CERK: variants seen among roughly 807,000 people sequenced by gnomAD.
CERK encodes acylsphingosine kinase.
CERK carries 39 observed loss-of-function variants against 63.4 expected under a neutral mutation model. That is an observed-to-expected ratio of 0.61 (90% confidence interval 0.48 to 0.80). The LOEUF is 0.80. CERK is among the 30% of genes least tolerant of loss of function. CERK has a pLI of 0.00. For missense variants in CERK, 670 were observed against 714.1 expected (o/e 0.94, Z 0.70); for synonymous variants, 302 against 280.0 (o/e 1.08, Z -0.78).
intron 7 of CERK, 54 bp downstream of exon 7, chr22:46,701,582 G>T (rs1601714114): frequency 5.3e-6 from 7 of 1,320,668 alleles, no homozygotes; most frequent in Non-Finnish European, 6.9e-6. Flanking sequence ...GGACAGGCCT[G>T]GGGGCGCAGG....
At chr22:46,701,556 G>T in intron 7 of CERK, 80 bp downstream of exon 7, 1 of 1,240,712 alleles carries the variant, frequency 8.1e-7, no homozygotes, top group Non-Finnish European at 1.1e-6. Flanking sequence ...TGGAACACGC[G>T]ACGGGGACCA....
chr22:46,731,542 C>T (rs1040559586), intron 1 of CERK, among the ~76,000 whole-genome samples: 4 of 152,238 alleles, frequency 2.6e-5, no homozygotes, highest in South Asian at 2.1e-4. Flanking sequence ...AAGGTGTAAA[C>T]GCTGCCCAGT....
At chr22:46,697,552 C>T (rs2082762486) in intron 8 of CERK, among the ~76,000 whole-genome samples, 1 of 152,160 alleles carries the variant, frequency 6.6e-6, no homozygotes, top group Non-Finnish European at 1.5e-5. Context: ...GTTGCCCAGG[C>T]TGAAGTGCAG....
chr22:46,732,438 G>T (rs372016069), intron 1 of CERK, among the ~76,000 whole-genome samples: 7 of 151,914 alleles, frequency 4.6e-5, no homozygotes, highest in South Asian at 2.1e-4. Flanking sequence ...TAAATTGGGT[G>T]GGGGGGACGG....
chr22:46,691,692 G>A lies in CERK; in HGVS notation c.1212C>T (p.Pro404=). The A allele has an allele frequency of 6.2e-7, 1 of 1,613,986 alleles. No homozygotes were observed. The highest frequency in any genetic ancestry group is 1.1e-5 in the South Asian group (1 of 91,086). The part of the protein sequence containing the change: ...TNMSCACRRS[P]RGLSPAAHLG... ...AGTGGGCAGCCGGGGAGAGGCCCCT[G>A]GGGCTCCGGCGACAAGCACAGGACA... is the stretch of plus-strand genomic sequence containing the variant. Residue 404 remains proline, a synonymous_variant, in exon 11 of 13, where the codon CCC becomes CCT. Coordinates refer to ENST00000216264, the MANE Select transcript of CERK (RefSeq NM_022766.6).
chr22:46,701,173 G>A (rs2082781799), intron 7 of CERK, among the ~76,000 whole-genome samples: 1 of 152,192 alleles, frequency 6.6e-6, no homozygotes, highest in South Asian at 2.1e-4. Context: ...AGCCCCTTCT[G>A]CTCTTCCTGA....
In CERK at chr22:46,687,147, T is replaced by C; in HGVS notation, c.1601A>G (p.Asp534Gly). 1 of 1,614,164 alleles carries C rather than the reference T, an allele frequency of 6.2e-7. No homozygotes were observed. Among genetic ancestry groups the C allele is most frequent in the Non-Finnish European group, 8.5e-7 (1 of 1,180,022 alleles). ...GACGCCGGCTTCTCAGCTGTGTGAG[T>C]CTGGCTTCGGATTCTCTTCAATTCC... is the stretch of plus-strand genomic sequence containing the variant. The part of the protein sequence containing the change: ...ARGIEENPKP[D>G]SHS The change falls in exon 13 of 13, where the codon GAC (aspartate) becomes GGC (glycine). Residue 534 changes from aspartate (D) to glycine (G), a missense_variant. Physicochemically the swap from Asp to Gly is moderately conservative, Grantham distance 94. Transcript: ENST00000216264.
rs113964891 is a variant in CERK, at chr22:46,702,579, A to G, written c.716-869T>C. 1.4e-4 allele frequency among the ~76,000 whole-genome samples: 21 copies of G among 152,270 alleles called. No individual in the cohort carries two copies. In the South Asian group the frequency reaches 1.4e-3, roughly 11 times the overall value. On this transcript the variant is annotated intron_variant, in intron 6 of 12. Coordinates refer to ENST00000216264, the MANE Select transcript of CERK (RefSeq NM_022766.6). ...GTGCTGGGATTAGGCGTGAGCCACCACACCTGGCCCTCGTAAACTTCTGAA... is the reference window on the plus strand; with the variant it reads ...GTGCTGGGATTAGGCGTGAGCCACCGCACCTGGCCCTCGTAAACTTCTGAA...
At chr22:46,718,354 G>A (rs2082876144) in intron 3 of CERK, among the ~76,000 whole-genome samples, 1 of 152,140 alleles carries the variant, frequency 6.6e-6, no homozygotes, top group African/African-American at 2.4e-5. Context: ...GGAAAGGGAA[G>A]GAGAAAGCAG....
intron 4 of CERK, 62 bp from the exon 5 acceptor site, chr22:46,711,211 C>A: frequency 8.1e-7 from 1 of 1,227,678 alleles, no homozygotes; most frequent in Non-Finnish European, 1.2e-6. Flanking sequence ...ACGTAAAAGG[C>A]AAATCATCCA....
intron 1 of CERK, among the ~76,000 whole-genome samples, chr22:46,725,459 T>C (rs1403361367): frequency 2.0e-5 from 3 of 151,970 alleles, no homozygotes; most frequent in African/African-American, 7.2e-5. Flanking sequence ...TAGTCTCAAA[T>C]TGCCGGCACC....
intron 5 of CERK, among the ~76,000 whole-genome samples, chr22:46,708,474 C>T (rs1009528042): frequency 4.6e-5 from 7 of 152,308 alleles, no homozygotes; most frequent in Admixed American, 1.3e-4. Context: ...AAATCTCAGC[C>T]GAGAGCACGA....
At position 46,685,401 on chromosome 22, in the gene CERK, T is replaced by G. The variant is rs2082695148; in HGVS notation, c.*1733A>C. The stretch of plus-strand genomic sequence containing the variant: ...ACATTTACCAGGGACAATAAAGGCT[T>G]AGAAGAACCTTTTGGGGAAACTTTG... On this transcript the variant is annotated 3_prime_UTR_variant, in exon 13 of 13. Transcript: ENST00000216264. 1 of 152,284 alleles carries G rather than the reference T, an allele frequency of 6.6e-6. No individual in the cohort carries two copies. Among genetic ancestry groups the G allele is most frequent in the Non-Finnish European group, 1.5e-5 (1 of 68,098 alleles). 9.4% of individuals were successfully genotyped at this position (152,284 alleles called of 1,614,324 possible).
chr22:46,701,311 G>C (rs1403202280), intron 7 of CERK, among the ~76,000 whole-genome samples: 3 of 152,248 alleles, frequency 2.0e-5, no homozygotes, highest in Non-Finnish European at 4.4e-5. Flanking sequence ...GGTGGTTTCC[G>C]AGCCTCGGGG....
intron 3 of CERK, among the ~76,000 whole-genome samples, chr22:46,715,522 A>G (rs1314626695): frequency 1.3e-5 from 2 of 152,174 alleles, no homozygotes; most frequent in Non-Finnish European, 2.9e-5. Context: ...AGATGTTTAT[A>G]GTTAATGAAA....
At chr22:46,731,887 T>C (rs979602789) in intron 1 of CERK, among the ~76,000 whole-genome samples, 6 of 152,152 alleles carry the variant, frequency 3.9e-5, no homozygotes, top group African/African-American at 9.7e-5. Context: ...CCAACGGCAC[T>C]GGAGAAGGGA....
chr22:46,712,408 A>C (rs2082846019), intron 3 of CERK, 115 bp from the exon 4 acceptor site: 2 of 845,704 alleles, frequency 2.4e-6, no homozygotes, highest in Non-Finnish European at 3.7e-6. Flanking sequence ...GTATTACCTG[A>C]TGGAAAGTAT....
Position 46,686,590 on chromosome 22 carries a change from C to T in CERK, c.*544G>A, listed in dbSNP as rs1264563209. ...CTCCCGCGGATCACCTGAAGCAGGG[C>T]CACGTTGCATTGCAGTTGCACAGTA... On this transcript the variant is annotated 3_prime_UTR_variant, in exon 13 of 13. Transcript: ENST00000216264. 6.5e-6 allele frequency: 1 copy of T among 153,088 alleles called. No individual in the cohort carries two copies. The allele number at this position is 153,088 out of a possible 1,614,324, so 9.5% of individuals were successfully genotyped here. A position where few individuals can be genotyped will look rare whatever the true frequency, so the allele number is the denominator to read the frequency against.
At position 46,738,068 on chromosome 22, in the gene CERK, G is replaced by C. The variant is rs1051959343; in HGVS notation, c.81C>G (p.Pro27=). 15 of 1,261,954 alleles carry C rather than the reference G, an allele frequency of 1.2e-5. No homozygotes were observed. The African/African-American group carries it at 2.1e-4, about 17-fold the overall frequency. 78.2% of individuals were successfully genotyped at this position (1,261,954 alleles called of 1,614,324 possible). A position where few individuals can be genotyped will look rare whatever the true frequency, so the allele number is the denominator to read the frequency against. The change falls in exon 1 of 13, where the codon CCC becomes CCG. Residue 27 remains proline, a synonymous_variant. Transcript: ENST00000216264. ...KQQRCAVSLE[P]ARALLRWWRS... is the part of the protein sequence containing the mutation. ...GCCACCAGCGCAGCAGAGCCCGCGC[G>C]GGCTCCAGGCTCACGGCGCAGCGCT...
Sources: gnomAD v4.1 joint callset for allele counts (sites outside exome capture counted in the v4.1 genomes callset) on GRCh38, gnomAD v4.1.1 for gene constraint, MANE v1.5 for transcripts, NCBI Gene and HGNC (gene_info 2026-07-23, HGNC 2026-07-21) for gene names.